CATSPERB: variants seen among roughly 807,000 people sequenced by gnomAD.
The protein encoded by CATSPERB is cation channel sperm-associated auxiliary subunit beta.
A neutral mutation model predicts 128.3 loss-of-function variants in CATSPERB; 93 were observed. That is an observed-to-expected ratio of 0.72 (90% CI 0.61 to 0.86). CATSPERB has a LOEUF of 0.86. Ranked by LOEUF, CATSPERB falls within the 40% of genes least tolerant of loss-of-function variation. CATSPERB has a pLI of 0.00. For synonymous variants in CATSPERB, 381 were observed against 448.8 expected (o/e 0.85, Z 1.91); for missense variants, 1,153 against 1,329.5 (o/e 0.87, Z 2.06).
At chr14:91,729,791 T>G (rs991127439) in intron 1 of CATSPERB, among the ~76,000 whole-genome samples, 1 of 152,234 alleles carries the variant, frequency 6.6e-6, no homozygotes, top group African/African-American at 2.4e-5. Context: ...CCTGAACTGA[T>G]GAAGACTCTG....
At chr14:91,635,004 G>T (rs190716272) in intron 17 of CATSPERB, among the ~76,000 whole-genome samples, 59 of 152,060 alleles carry the variant, frequency 3.9e-4, no homozygotes, top group African/African-American at 1.4e-3. Context: ...TTTGGTATCT[G>T]GTGAGGGTCC....
chr14:91,600,029 T>C (rs1377698905), intron 22 of CATSPERB, among the ~76,000 whole-genome samples: 3 of 152,234 alleles, frequency 2.0e-5, no homozygotes, highest in African/African-American at 4.8e-5. Context: ...CATTCATCAG[T>C]TAATGCGCAT....
intron 15 of CATSPERB, among the ~76,000 whole-genome samples, chr14:91,644,534 T>A (rs1197380680): frequency 8.5e-6 from 1 of 118,104 alleles, no homozygotes; most frequent in African/African-American, 3.2e-5. Flanking sequence ...TGTTGAATAT[T>A]GGCCCCCACT....
intron 18 of CATSPERB, among the ~76,000 whole-genome samples, chr14:91,623,722 CAAAGT>C (rs1438585927): frequency 6.6e-6 from 1 of 152,186 alleles, no homozygotes; most frequent in Non-Finnish European, 1.5e-5. Context: ...TCACAGCAGC[CAAAGT>C]GATCTTGTTG....
intron 7 of CATSPERB, 86 bp downstream of exon 7, chr14:91,704,466 A>C (rs1161713042): frequency 1.4e-6 from 2 of 1,380,974 alleles, no homozygotes; most frequent in Non-Finnish European, 2.0e-6. Context: ...CCCTATGTCT[A>C]TGCATTTATT....
intron 3 of CATSPERB, 53 bp from the exon 4 acceptor site, chr14:91,723,242 C>T: frequency 1.5e-6 from 2 of 1,319,822 alleles, no homozygotes; most frequent in Non-Finnish European, 2.0e-6. Flanking sequence ...GATGCAGACA[C>T]ACAAGTTAGT....
At chr14:91,652,792 A>G (rs1894729362) in intron 15 of CATSPERB, among the ~76,000 whole-genome samples, 1 of 151,896 alleles carries the variant, frequency 6.6e-6, no homozygotes, top group Non-Finnish European at 1.5e-5. Flanking sequence ...AATTACTTTC[A>G]TTTATTTCAC....
rs771968407 is a variant in CATSPERB at position 91,729,121 on chromosome 14, C to T, written c.79+280G>A. On this transcript the variant is annotated intron_variant, in intron 2 of 26. Transcript: ENST00000256343. Reference sequence around the variant, plus strand: ...TTGGGAGGCTGAGGCAGGTGAATCACGAGGTCAGGAGTTCAAGACCAGCCT... The same window carrying T: ...TTGGGAGGCTGAGGCAGGTGAATCATGAGGTCAGGAGTTCAAGACCAGCCT... Among the ~76,000 whole-genome samples the T allele has an allele frequency of 8.7e-4, 133 of 152,206 alleles. 1 individual carries two copies. The highest frequency in any genetic ancestry group is 6.2e-4 in the Non-Finnish European group (42 of 67,994).
rs976185944 is a variant in CATSPERB at position 91,723,077 on chromosome 14, T to A, written c.281A>T (p.Asn94Ile). Reference sequence around the variant, plus strand: ...CGTTAAATTAAAGTGGAAGATGCCATTATATGTACTATTCATGATTCCCAA... The same window carrying A: ...CGTTAAATTAAAGTGGAAGATGCCAATATATGTACTATTCATGATTCCCAA... Reference protein sequence around the residue: ...PSLGIMNSTYNGIFHFNLTLF... With the variant: ...PSLGIMNSTYIGIFHFNLTLF... Residue 94 changes from asparagine to isoleucine, a missense_variant, in exon 4 of 27, where the codon AAT becomes ATT. Transcript: ENST00000256343. The A allele has an allele frequency of 6.6e-7, 1 of 1,523,234 alleles. No individual in the cohort carries two copies. Among genetic ancestry groups the A allele is most frequent in the African/African-American group, 1.4e-5 (1 of 71,396 alleles). The allele number at this position is 1,523,234 out of a possible 1,614,324, so 94.4% of individuals were successfully genotyped here. A position where few individuals can be genotyped will look rare whatever the true frequency, so the allele number is the denominator to read the frequency against.
At chr14:91,653,176 C>T (rs752602268) in intron 15 of CATSPERB, among the ~76,000 whole-genome samples, 1 of 152,014 alleles carries the variant, frequency 6.6e-6, no homozygotes, top group Non-Finnish European at 1.5e-5. Flanking sequence ...AACTGGAGAT[C>T]AGAAGAAATT....
chr14:91,595,193 A>G (rs1893481604), intron 22 of CATSPERB, among the ~76,000 whole-genome samples: 2 of 152,106 alleles, frequency 1.3e-5, no homozygotes, highest in African/African-American at 4.8e-5. Flanking sequence ...TACTTGGCCT[A>G]ATATTCGTAT....
At chr14:91,668,272 G>A (rs558593549) in intron 14 of CATSPERB, among the ~76,000 whole-genome samples, 7 of 149,564 alleles carry the variant, frequency 4.7e-5, no homozygotes, top group East Asian at 1.9e-4. Flanking sequence ...ACCAATCCAC[G>A]CTCTGTGTCT....
intron 5 of CATSPERB, chr14:91,708,994 G>A (rs960469624): frequency 5.3e-5 from 8 of 152,338 alleles, no homozygotes; most frequent in South Asian, 2.1e-4. Flanking sequence ...GGCTGAGGTC[G>A]AAACTGAAAC....
At position 91,608,412 on chromosome 14, in the gene CATSPERB, T is replaced by C; in HGVS notation, c.2599-8A>G. ...TGGAGGCCTGTAGTTTATCTGCAAG[T>C]GATTAAACAAAGAAAATGTACAATT... On this transcript the variant is annotated splice_region_variant and splice_polypyrimidine_tract_variant and intron_variant, in intron 21 of 26. Transcript: ENST00000256343. The C allele has an allele frequency of 7.2e-7, 1 of 1,385,546 alleles. No homozygotes were observed. Among genetic ancestry groups the C allele is most frequent in the Non-Finnish European group, 1.0e-6 (1 of 976,052 alleles). The allele number at this position is 1,385,546 out of a possible 1,614,324, so 85.8% of individuals were successfully genotyped here.
chr14:91,691,652 A>G, intron 9 of CATSPERB, 97 bp from the exon 10 acceptor site: 1 of 918,760 alleles, frequency 1.1e-6, no homozygotes, highest in Non-Finnish European at 1.7e-6. Flanking sequence ...AAACCATATA[A>G]ATTCGTTGAA....
In CATSPERB at chr14:91,580,905, G is replaced by A. The variant is rs1200581918; in HGVS notation, c.3335C>T (p.Ser1112Leu). The change falls in exon 27 of 27, where the codon TCA (serine) becomes TTA (leucine). Residue 1112 changes from serine (S) to leucine (L), a missense_variant. Coordinates refer to ENST00000256343, the MANE Select transcript of CATSPERB (RefSeq NM_024764.4). Reference sequence around the variant, plus strand: ...ACCATGTGTTCACTCTTCAGACTTTGATCTATGAATCAGCTCACTGAGAGA... The same window carrying A: ...ACCATGTGTTCACTCTTCAGACTTTAATCTATGAATCAGCTCACTGAGAGA... The part of the protein sequence containing the change: ...SISLSELIHR[S>L]KSEE 6.2e-7 allele frequency: 1 copy of A among 1,613,796 alleles called. No homozygotes were observed. The highest frequency in any genetic ancestry group is 1.3e-5 in the African/African-American group (1 of 74,924).
chr14:91,692,814 A>G (rs549227296), intron 9 of CATSPERB, among the ~76,000 whole-genome samples: 1 of 152,342 alleles, frequency 6.6e-6, no homozygotes, highest in Admixed American at 6.5e-5. Flanking sequence ...ATTACCTTAA[A>G]GCATTTGGGT....
chr14:91,587,131 T>C lies in CATSPERB; in HGVS notation c.3132+71A>G. 3.3e-6 allele frequency: 4 copies of C among 1,219,324 alleles called. No homozygotes were observed. In the South Asian group the frequency reaches 4.3e-5, roughly 13 times the overall value. The allele number at this position is 1,219,324 out of a possible 1,614,324, so 75.5% of individuals were successfully genotyped here. On this transcript the variant is annotated intron_variant, in intron 26 of 26. Transcript: ENST00000256343. ...TTCTGCCAATTTTTTCTCTTCGGTG[T>C]CTCTTGAATTGGTTTTGTCATGTTT... is the stretch of plus-strand genomic sequence containing the variant.
At chr14:91,587,664 A>G (rs1364518474) in intron 25 of CATSPERB, among the ~76,000 whole-genome samples, 1 of 152,072 alleles carries the variant, frequency 6.6e-6, no homozygotes, top group African/African-American at 2.4e-5. Flanking sequence ...AGCTGGAACC[A>G]GAAGATGTGC....
Sources: allele counts gnomAD v4.1 joint callset (sites outside exome capture counted in the v4.1 genomes callset), GRCh38; gene constraint gnomAD v4.1.1; transcripts MANE v1.5; gene names NCBI Gene and HGNC (gene_info 2026-07-23, HGNC 2026-07-21).